Variants in FAM120A observed in about 807,000 individuals in gnomAD.
FAM120A encodes the protein family with sequence similarity 120 member A, also known as constitutive coactivator of PPAR-gamma-like protein 1.
In FAM120A, 15 loss-of-function variants were observed where a neutral mutation model predicts 109.7. That is an observed-to-expected ratio of 0.14 (90% confidence interval 0.09 to 0.21). The LOEUF (loss-of-function observed/expected upper bound fraction) is 0.21, where lower values mean the gene tolerates loss of function less well. Among genes scored for constraint, FAM120A ranks in the 10% least tolerant of loss-of-function variants. FAM120A has a pLI of 1.00. For missense variants in FAM120A, 899 were observed against 1,439.3 expected (o/e 0.62, Z 6.07); for synonymous variants, 493 against 572.8 (o/e 0.86, Z 1.99).
In FAM120A at chr9:93,498,859, A is replaced by T. The variant is rs1294173637; in HGVS notation, c.1003A>T (p.Met335Leu). Reference protein sequence around the residue: ...IGYYSATSKPMSFHPPHYLAA... With the variant: ...IGYYSATSKPLSFHPPHYLAA... ...ATATTATTCAGCGACTAGTAAGCCT[A>T]TGTCATTTCATCCACCACATTACTT... Residue 335 changes from methionine to leucine, a missense_variant, in exon 5 of 18, where the codon ATG becomes TTG. By Grantham distance (15) the Met-to-Leu change is conservative. Coordinates refer to ENST00000277165, the MANE Select transcript of FAM120A (RefSeq NM_014612.5). This position sits in a 1 kb window ranked among gnomAD's most constrained non-coding sequence, Gnocchi z 4.4. The T allele has an allele frequency of 6.2e-7, 1 of 1,608,144 alleles. No individual in the cohort carries two copies. The highest frequency in any genetic ancestry group is 1.7e-5 in the Admixed American group (1 of 60,010).
intron 3 of FAM120A, among the ~76,000 whole-genome samples, chr9:93,493,946 A>G (rs1859456358): frequency 6.6e-6 from 1 of 152,182 alleles, no homozygotes; most frequent in Non-Finnish European, 1.5e-5. Flanking sequence ...ATGGAAGAGT[A>G]TCTGCTTCTG....
At chr9:93,529,632 T>G in intron 9 of FAM120A, 52 bp downstream of exon 9, 1 of 1,491,938 alleles carries the variant, frequency 6.7e-7, no homozygotes, top group Non-Finnish European at 9.3e-7. Flanking sequence ...GAGTGGCCAT[T>G]CCTATGGGTG....
chr9:93,523,368 G>A (rs1465874108), intron 7 of FAM120A: 12 of 1,272,976 alleles, frequency 9.4e-6, no homozygotes, highest in African/African-American at 1.5e-5. Flanking sequence ...GCATGGGTAG[G>A]TAGGCCTGGG....
intron 12 of FAM120A, among the ~76,000 whole-genome samples, chr9:93,554,417 C>G (rs977790747): frequency 6.6e-6 from 1 of 152,102 alleles, no homozygotes; most frequent in Non-Finnish European, 1.5e-5. Flanking sequence ...TGCCTGTAAT[C>G]GCAGCACTTT....
chr9:93,528,695 T>C (rs1861195511), intron 8 of FAM120A, among the ~76,000 whole-genome samples: 1 of 152,234 alleles, frequency 6.6e-6, no homozygotes, highest in African/African-American at 2.4e-5. Context: ...GAGACATTGT[T>C]TTTAATGGGA....
chr9:93,504,445 T>C (rs538552645), intron 5 of FAM120A, among the ~76,000 whole-genome samples: 187 of 152,346 alleles, frequency 1.2e-3, no homozygotes, highest in African/African-American at 4.3e-3. Flanking sequence ...GTTGCATTCC[T>C]CGACTCTCTA....
At chr9:93,489,432 G>A (rs1428592586) in intron 3 of FAM120A, among the ~76,000 whole-genome samples, 1 of 152,178 alleles carries the variant, frequency 6.6e-6, no homozygotes, top group Non-Finnish European at 1.5e-5. Flanking sequence ...TGGACTGGTG[G>A]CACTTTTTTG....
At chr9:93,489,574 T>C (rs1038163254) in intron 3 of FAM120A, among the ~76,000 whole-genome samples, 6 of 152,236 alleles carry the variant, frequency 3.9e-5, no homozygotes, top group Non-Finnish European at 7.3e-5. Context: ...CTTTGTTCAG[T>C]TTAAATCCTT....
chr9:93,525,041 C>CT (rs879807081), intron 7 of FAM120A, among the ~76,000 whole-genome samples: 51 of 145,226 alleles, frequency 3.5e-4, no homozygotes, highest in East Asian at 2.0e-3. Context: ...TTGTCATATT[C>CT]TTTTTTTTTT....
chr9:93,546,931 A>G (rs1861913318), intron 11 of FAM120A, among the ~76,000 whole-genome samples: 1 of 152,212 alleles, frequency 6.6e-6, no homozygotes, highest in African/African-American at 2.4e-5. Flanking sequence ...TTGCTCCCTA[A>G]GGGAATTTAG....
At chr9:93,488,379 C>T (rs144316119) in intron 3 of FAM120A, among the ~76,000 whole-genome samples, 10 of 152,144 alleles carry the variant, frequency 6.6e-5, no homozygotes, top group African/African-American at 2.4e-4. Flanking sequence ...TAATCCTCCT[C>T]TCCTCACCGG....
rs1861381454 is a variant in FAM120A, at chr9:93,532,860, C to T, written c.1909+531C>T. 6.6e-6 allele frequency among the ~76,000 whole-genome samples: 1 copy of T among 152,182 alleles called. No homozygotes were observed. The highest frequency in any genetic ancestry group is 6.5e-5 in the Admixed American group (1 of 15,274). ...TTGTGATGATTTGTCTCGGAATCCT[C>T]TGAGACCTGTGCACTTCCAGCTGAT... is the stretch of plus-strand genomic sequence containing the variant. On this transcript the variant is annotated intron_variant, in intron 10 of 17. Transcript: ENST00000277165. The surrounding 1 kb of genome is among the most constrained non-coding windows in gnomAD (Gnocchi z 4.3).
At chr9:93,454,939 C>A (rs1430955201) in intron 1 of FAM120A, among the ~76,000 whole-genome samples, 2 of 152,210 alleles carry the variant, frequency 1.3e-5, no homozygotes, top group East Asian at 3.8e-4. Context: ...TTACACATTG[C>A]TTGTGGGAAT....
chr9:93,564,565 G>A lies in FAM120A; in HGVS notation c.*25G>A. The A allele has an allele frequency of 6.4e-7, 1 of 1,562,340 alleles. No individual in the cohort carries two copies. The highest frequency in any genetic ancestry group is 2.3e-5 in the East Asian group (1 of 44,350). On this transcript the variant is annotated 3_prime_UTR_variant, in exon 18 of 18. Transcript: ENST00000277165. ...AACTTATTTTTTATAGAGGGTGAAG[G>A]ATGCTGGAAGGGTAAGGATTTAGGA...
At chr9:93,455,250 A>G (rs1377502829) in intron 1 of FAM120A, among the ~76,000 whole-genome samples, 1 of 152,242 alleles carries the variant, frequency 6.6e-6, no homozygotes, top group Non-Finnish European at 1.5e-5. Flanking sequence ...ATATTTAATT[A>G]AGGTTTTATA....
chr9:93,477,924 A>T (rs891906017), intron 3 of FAM120A, among the ~76,000 whole-genome samples: 1 of 152,230 alleles, frequency 6.6e-6, no homozygotes, highest in Non-Finnish European at 1.5e-5. Flanking sequence ...GAATAGAGAA[A>T]TGTGTATCCG....
At chr9:93,513,249 G>A (rs976404153) in intron 5 of FAM120A, among the ~76,000 whole-genome samples, 3 of 152,206 alleles carry the variant, frequency 2.0e-5, no homozygotes, top group Non-Finnish European at 4.4e-5. Flanking sequence ...GATCGCACAC[G>A]TGGAGGTGCA....
At chr9:93,536,503 A>C (rs780652537) in intron 10 of FAM120A, among the ~76,000 whole-genome samples, 1 of 152,254 alleles carries the variant, frequency 6.6e-6, no homozygotes, top group Non-Finnish European at 1.5e-5. Flanking sequence ...AGATGGCCTT[A>C]TTATCAGACA....
chr9:93,561,065 C>A, intron 15 of FAM120A, 44 bp from the exon 16 acceptor site: 1 of 1,601,336 alleles, frequency 6.2e-7, no homozygotes, highest in Non-Finnish European at 8.5e-7. Context: ...ATTCTTAATT[C>A]TGTGATTGTA....
Sources: gnomAD v4.1 joint callset for allele counts (sites outside exome capture counted in the v4.1 genomes callset) on GRCh38, gnomAD v4.1.1 for gene constraint, Gnocchi (gnomAD v3.1) non-coding constraint, MANE v1.5 for transcripts, NCBI Gene and HGNC (gene_info 2026-07-23, HGNC 2026-07-21) for gene names.